KRT76: variants seen among roughly 807,000 people sequenced by gnomAD.
KRT76 encodes keratin 76.
In KRT76, 47 loss-of-function variants were observed where a neutral mutation model predicts 44.9. The ratio of observed to expected loss-of-function variants is 1.05; its 90% CI spans 0.83 to 1.33. The LOEUF (loss-of-function observed/expected upper bound fraction) is 1.33, where lower values mean the gene tolerates loss of function less well. Among genes scored for constraint, KRT76 ranks in the 40% most tolerant of loss-of-function variants. The pLI is 0.00. For missense variants in KRT76, 860 were observed against 775.8 expected (o/e 1.11, Z -1.29); for synonymous variants, 331 against 294.1 (o/e 1.13, Z -1.28).
At position 52,771,106 on chromosome 12, in the gene KRT76, A is replaced by G. The variant is rs759738841; in HGVS notation, c.1377T>C (p.Asp459=). ...AGTCACGCAGGAGCCGAGCCAGGTC[A>G]TCCTTAGCCTTCTGTAGGGCAGTCT... ...DLQTALQKAK[D]DLARLLRDYQ... is the part of the protein sequence containing the mutation. Residue 459 remains aspartate (D), a synonymous_variant, in exon 7 of 9, where the codon GAT becomes GAC. Transcript: ENST00000332411. The G allele has an allele frequency of 1.2e-6, 2 of 1,614,172 alleles. No individual in the cohort carries two copies. The highest frequency in any genetic ancestry group is 1.6e-4 in the Middle Eastern group (1 of 6,062).
intron 6 of KRT76, among the ~76,000 whole-genome samples, chr12:52,771,550 A>G (rs2121188770): frequency 6.6e-6 from 1 of 152,360 alleles, no homozygotes; most frequent in African/African-American, 2.4e-5. Context: ...CAGAGCAGCC[A>G]TCAAGGTTAT....
At chr12:52,773,980 C>A (rs183665387) in intron 2 of KRT76, among the ~76,000 whole-genome samples, 2 of 152,062 alleles carry the variant, frequency 1.3e-5, no homozygotes, top group Non-Finnish European at 2.9e-5. Context: ...TGGAGGCATG[C>A]ACCACCACGT....
In KRT76 at chr12:52,768,989, A is replaced by ACTGCTG. The variant is rs752726751; in HGVS notation, c.1635_1640dup (p.Ser546_Ser547dup). On this transcript the variant is annotated inframe_insertion, in exon 9 of 9. Transcript: ENST00000332411. ...CGCTGCCGCCACTGACTCCATAGCCACTGCTGCTGCTGCTGCTGCTGCCGC... is the reference window on the plus strand; with the variant it reads ...CGCTGCCGCCACTGACTCCATAGCCACTGCTGCTGCTGCTGCTGCTGCTGCTGCCGC... The ACTGCTG allele has an allele frequency of 6.0e-5, 59 of 988,884 alleles. 1 individual carries two copies. In the South Asian group the frequency reaches 8.0e-4, roughly 13 times the overall value. The allele number at this position is 988,884 out of a possible 1,614,324, so 61.3% of individuals were successfully genotyped here.
In KRT76 at chr12:52,771,184, C is replaced by T. The variant is rs1162489542; in HGVS notation, c.1299G>A (p.Glu433=). The T allele has an allele frequency of 5.6e-6, 9 of 1,614,096 alleles. No homozygotes were observed. Among genetic ancestry groups the T allele is most frequent in the Non-Finnish European group, 7.6e-6 (9 of 1,180,052 alleles). The change falls in exon 7 of 9, where the codon GAG becomes GAA. Residue 433 remains glutamate (E), a synonymous_variant. Transcript: ENST00000332411. ...CCTTGAGGGCCATCTCTCCACGCTG[C>T]TCAGCCTCTGCAATTGCCGTCTGCA... ...ANLQTAIAEA[E]QRGEMALKDA... is the part of the protein sequence containing the mutation.
At chr12:52,772,915 T>TG in intron 3 of KRT76, 37 bp from the exon 4 acceptor site, 1 of 1,473,464 alleles carries the variant, frequency 6.8e-7, no homozygotes, top group Non-Finnish European at 9.5e-7. Flanking sequence ...AATGACCCTC[T>TG]GTTCCCCTCC....
At position 52,769,099 on chromosome 12, in the gene KRT76, T is replaced by C. The variant is rs1327538327; in HGVS notation, c.1531A>G (p.Asn511Asp). ...GAGCTGCCACTTGTGCTGGTGACAT[T>C]GCTGACCACTGCTACAAGACAACAG... ...QSAVCISVVS[N>D]VTSTSGSSGS... The change falls in exon 9 of 9, where the codon AAT becomes GAT. Residue 511 changes from asparagine to aspartate, a missense_variant. Coordinates refer to ENST00000332411, the MANE Select transcript of KRT76 (RefSeq NM_015848.4). 1.1e-5 allele frequency: 8 copies of C among 707,316 alleles called. No homozygotes were observed. The highest frequency in any genetic ancestry group is 2.1e-5 in the Non-Finnish European group (8 of 377,408). The allele number at this position is 707,316 out of a possible 1,614,324, so 43.8% of individuals were successfully genotyped here.
At chr12:52,773,554 C>T (rs1319164862) in intron 3 of KRT76, 28 bp downstream of exon 3, 2 of 1,591,600 alleles carry the variant, frequency 1.3e-6, no homozygotes, top group Admixed American at 3.4e-5. Context: ...GAAAGGAAAC[C>T]TGGATATGCT....
At chr12:52,769,654 T>C (rs1939149114) in intron 7 of KRT76, 71 bp from the exon 8 acceptor site, 1 of 1,400,180 alleles carries the variant, frequency 7.1e-7, no homozygotes, top group Non-Finnish European at 1.0e-6. Context: ...AGTTCACAAC[T>C]TTGGGAGCCA....
chr12:52,769,528 T>C (rs753201712), intron 8 of KRT76, 21 bp downstream of exon 8: 4 of 1,610,014 alleles, frequency 2.5e-6, no homozygotes, highest in Non-Finnish European at 3.4e-6. Flanking sequence ...AGGGAGAGGG[T>C]TTTTTGAATG....
chr12:52,769,009 T>C lies in KRT76; in HGVS notation c.1621A>G (p.Ser541Gly), dbSNP rs372674456. The change falls in exon 9 of 9, where the codon AGC (serine) becomes GGC (glycine). Residue 541 changes from serine (S) to glycine (G), a missense_variant. Physicochemically the swap from Ser to Gly is moderately conservative, Grantham distance 56. Coordinates refer to ENST00000332411, the MANE Select transcript of KRT76 (RefSeq NM_015848.4). The part of the protein sequence containing the change: ...GSGSGGYKGG[S>G]SSSSSSGYGV... The stretch of plus-strand genomic sequence containing the variant: ...TAGCCACTGCTGCTGCTGCTGCTGC[T>C]GCCGCCTTTGTAGCCACCACTGCCA... 39 of 902,292 alleles carry C rather than the reference T, an allele frequency of 4.3e-5. No individual in the cohort carries two copies. The highest frequency in any genetic ancestry group is 3.6e-4 in the African/African-American group (22 of 60,572). 55.9% of individuals were successfully genotyped at this position (902,292 alleles called of 1,614,324 possible). A position where few individuals can be genotyped will look rare whatever the true frequency, so the allele number is the denominator to read the frequency against.
Position 52,769,005 on chromosome 12 carries a change from C to T in KRT76, c.1625G>A (p.Ser542Asn), listed in dbSNP as rs775100495. ...SGSGGYKGGS[S>N]SSSSSGYGVS... ...TCCATAGCCACTGCTGCTGCTGCTG[C>T]TGCTGCCGCCTTTGTAGCCACCACT... Residue 542 changes from serine (S) to asparagine (N), a missense_variant, in exon 9 of 9, where the codon AGC becomes AAC. Physicochemically the swap from Ser to Asn is conservative, Grantham distance 46. Coordinates refer to ENST00000332411, the MANE Select transcript of KRT76 (RefSeq NM_015848.4). 2.2e-6 allele frequency: 2 copies of T among 919,642 alleles called. No homozygotes were observed. The highest frequency in any genetic ancestry group is 3.5e-6 in the Non-Finnish European group (2 of 568,606). The allele number at this position is 919,642 out of a possible 1,614,324, so 57.0% of individuals were successfully genotyped here. A position where few individuals can be genotyped will look rare whatever the true frequency, so the allele number is the denominator to read the frequency against.
chr12:52,772,694 T>G, intron 4 of KRT76, 89 bp downstream of exon 4: 11 of 915,744 alleles, frequency 1.2e-5, no homozygotes, highest in Non-Finnish European at 1.8e-5. Flanking sequence ...GCTGGTTTTG[T>G]GAGTGTTGTG....
chr12:52,774,608 T>C (rs906043038), intron 2 of KRT76, among the ~76,000 whole-genome samples: 6 of 152,164 alleles, frequency 3.9e-5, no homozygotes, highest in African/African-American at 1.4e-4. Context: ...CCTCTTTTTT[T>C]CCTCTAGGAG....
At chr12:52,775,917 C>G (rs1939254701) in intron 1 of KRT76, among the ~76,000 whole-genome samples, 1 of 152,106 alleles carries the variant, frequency 6.6e-6, no homozygotes, top group African/African-American at 2.4e-5. Flanking sequence ...AGTGACAAGT[C>G]TACTGAGTGA....
intron 3 of KRT76, 38 bp downstream of exon 3, chr12:52,773,544 G>A (rs377008141): frequency 3.8e-4 from 598 of 1,566,228 alleles, no homozygotes; most frequent in Non-Finnish European, 3.5e-4. Flanking sequence ...GCAGCTCCCA[G>A]AAAGGAAACC....
intron 4 of KRT76, 45 bp from the exon 5 acceptor site, chr12:52,772,303 G>A (rs550792617): frequency 1.3e-6 from 2 of 1,536,868 alleles, no homozygotes; most frequent in Non-Finnish European, 1.8e-6. Context: ...CCTGGACCAG[G>A]GGATGCTGGG....
Position 52,776,802 on chromosome 12 carries a change from G to T in KRT76, c.490C>A (p.Leu164Ile), listed in dbSNP as rs371593117. 1.9e-5 allele frequency: 31 copies of T among 1,614,030 alleles called. No homozygotes were observed. The African/African-American group carries it at 3.7e-4, about 19-fold the overall frequency. Residue 164 changes from leucine to isoleucine, a missense_variant, in exon 1 of 9, where the codon CTC (leucine) becomes ATC (isoleucine). Transcript: ENST00000332411. The part of the protein sequence containing the change: ...GIQEVIVNQS[L>I]LQPLNVEIDP... The stretch of plus-strand genomic sequence containing the variant: ...ATCTCCACATTGAGGGGCTGCAGGA[G>T]ACTCTGGTTTACAATCACTTCCTGA...
chr12:52,772,575 G>A (rs1035468433), intron 4 of KRT76, among the ~76,000 whole-genome samples: 7 of 152,218 alleles, frequency 4.6e-5, no homozygotes, highest in Non-Finnish European at 2.9e-5. Flanking sequence ...AAGCCAGAGA[G>A]AAGGTGCAGA....
rs767834474 is a variant in KRT76, at chr12:52,776,743, C to T, written c.549G>A (p.Glu183=). 3.7e-6 allele frequency: 6 copies of T among 1,614,092 alleles called. No individual in the cohort carries two copies. The highest frequency in any genetic ancestry group is 2.7e-5 in the African/African-American group (2 of 74,932). Residue 183 remains glutamate, a synonymous_variant, in exon 1 of 9, where the codon GAG becomes GAA. Coordinates refer to ENST00000332411, the MANE Select transcript of KRT76 (RefSeq NM_015848.4). ...TGTTGAGGGTCTTGATCTGTTCCCGCTCCTGGGCCTTTACTTGCCCAATCT... is the reference window on the plus strand; with the variant it reads ...TGTTGAGGGTCTTGATCTGTTCCCGTTCCTGGGCCTTTACTTGCCCAATCT... ...DPQIGQVKAQ[E]REQIKTLNNK... is the part of the protein sequence containing the mutation.
Sources: allele counts gnomAD v4.1 joint callset (sites outside exome capture counted in the v4.1 genomes callset), GRCh38; gene constraint gnomAD v4.1.1; transcripts MANE v1.5; gene names NCBI Gene and HGNC (gene_info 2026-07-23, HGNC 2026-07-21).